ARHGEF11: variants seen among roughly 807,000 people sequenced by gnomAD.
ARHGEF11 encodes Rho guanine nucleotide exchange factor 11.
Under a neutral mutation model 193.7 loss-of-function variants are expected in ARHGEF11, and 55 were observed. The ratio of observed to expected loss-of-function variants is 0.28; its 90% CI spans 0.23 to 0.36. The LOEUF (loss-of-function observed/expected upper bound fraction) is 0.36. Among genes scored for constraint, ARHGEF11 ranks in the 10% least tolerant of loss-of-function variants. The pLI, the probability that ARHGEF11 is intolerant of heterozygous loss-of-function variation, is 1.00. For synonymous variants in ARHGEF11, 693 were observed against 768.0 expected, an observed-to-expected ratio of 0.90 and a Z score of 1.62; for missense variants, 1,723 against 2,005.6, an observed-to-expected ratio of 0.86 and a Z score of 2.69.
intron 35 of ARHGEF11, 49 bp from the exon 36 acceptor site, chr1:156,940,474 G>C: frequency 6.5e-7 from 1 of 1,529,848 alleles, no homozygotes; most frequent in Middle Eastern, 1.7e-4. Flanking sequence ...GAGAGGGCAC[G>C]TATGGGAGAG....
At chr1:156,943,146 C>T (rs1351040018) in intron 32 of ARHGEF11, among the ~76,000 whole-genome samples, 6 of 150,532 alleles carry the variant, frequency 4.0e-5, no homozygotes, top group Non-Finnish European at 5.9e-5. Flanking sequence ...CTGCAACCTG[C>T]GCCTCCCGGG....
chr1:157,005,298 C>T (rs1305488188), intron 1 of ARHGEF11, among the ~76,000 whole-genome samples: 1 of 152,132 alleles, frequency 6.6e-6, no homozygotes, highest in Non-Finnish European at 1.5e-5. Context: ...CTGCATCCCC[C>T]CAACCCCCAT....
intron 32 of ARHGEF11, among the ~76,000 whole-genome samples, chr1:156,943,411 G>A (rs1484379725): frequency 6.6e-6 from 1 of 152,196 alleles, no homozygotes; most frequent in Non-Finnish European, 1.5e-5. Flanking sequence ...ATGCCCACAA[G>A]AGGTAGGGTA....
At chr1:157,000,706 G>A (rs1233497369) in intron 1 of ARHGEF11, among the ~76,000 whole-genome samples, 1 of 152,194 alleles carries the variant, frequency 6.6e-6, no homozygotes, top group African/African-American at 2.4e-5. Flanking sequence ...GGTAACTTGT[G>A]GAAGTAATGG....
Position 157,044,824 on chromosome 1 carries a change from C to T in ARHGEF11, c.-494G>A. 1 of 284,872 alleles carries T rather than the reference C, an allele frequency of 3.5e-6. No homozygotes were observed. Among genetic ancestry groups the T allele is most frequent in the Non-Finnish European group, 6.4e-6 (1 of 156,168 alleles). The allele number at this position is 284,872 out of a possible 1,614,324, so 17.6% of individuals were successfully genotyped here. ...GAAAGTAATTTTCTAGTCTCCAATG[C>T]TTAATATGACAACAGCAAATATCTT... On this transcript the variant is annotated 5_prime_UTR_variant, in exon 1 of 41. Transcript: ENST00000368194.
Position 156,936,050 on chromosome 1 carries a change from C to A in ARHGEF11, c.4639G>T (p.Ala1547Ser), listed in dbSNP as rs752313950. ...TCTGCTGTGCTGTCTTCCAGGGGGG[C>A]GTCAGAGCCTGTGGGAGGAGGATGA... ...LGPCPEDGSD[A>S]PLEDSTADAA... The change falls in exon 41 of 41, where the codon GCC becomes TCC. Residue 1547 changes from alanine to serine, a missense_variant. Ala to Ser is a moderately conservative substitution (Grantham distance 99). Transcript: ENST00000368194. The A allele has an allele frequency of 6.2e-7, 1 of 1,613,742 alleles. No homozygotes were observed. The highest frequency in any genetic ancestry group is 8.5e-7 in the Non-Finnish European group (1 of 1,179,872).
At chr1:156,947,747 G>T in intron 25 of ARHGEF11, 22 bp downstream of exon 25, 1 of 1,610,670 alleles carries the variant, frequency 6.2e-7, no homozygotes, top group Non-Finnish European at 8.5e-7. Context: ...GCGGAGCTGG[G>T]GGCAGTGGAG....
rs775619740 is a variant in ARHGEF11 at position 156,963,213 on chromosome 1, G to T, written c.1130C>A (p.Pro377His). The change falls in exon 13 of 41, where the codon CCC becomes CAC. Residue 377 changes from proline to histidine, a missense_variant. Pro to His is a moderately conservative substitution (Grantham distance 77). Transcript: ENST00000368194. ...ATGATTCTGACTTACCAGTGGACTG[G>T]GGTCCGCCTGAGAGAAGATGTAACG... ...FLRYIFSQAD[P>H]SPLLFYLCAE... The T allele has an allele frequency of 1.2e-6, 2 of 1,613,364 alleles. No homozygotes were observed. The highest frequency in any genetic ancestry group is 1.7e-6 in the Non-Finnish European group (2 of 1,179,450).
At chr1:156,949,473 G>T (rs192589204) in intron 22 of ARHGEF11, among the ~76,000 whole-genome samples, 15 of 152,166 alleles carry the variant, frequency 9.9e-5, no homozygotes, top group Non-Finnish European at 1.9e-4. Flanking sequence ...AGCACAGCAG[G>T]TTGCTGCAAT....
intron 7 of ARHGEF11, among the ~76,000 whole-genome samples, chr1:156,975,296 T>C (rs1262872153): frequency 1.3e-5 from 2 of 152,266 alleles, no homozygotes; most frequent in African/African-American, 4.8e-5. Context: ...AGCATCTTCC[T>C]GTGAATAACA....
chr1:156,971,929 G>C (rs1012235885), intron 7 of ARHGEF11, 113 bp from the exon 8 acceptor site: 1 of 1,323,666 alleles, frequency 7.6e-7, no homozygotes, highest in African/African-American at 1.5e-5. Context: ...ACAAAGATGA[G>C]AGAGAAGAGG....
intron 18 of ARHGEF11, among the ~76,000 whole-genome samples, chr1:156,957,346 A>T (rs1660095205): frequency 6.6e-6 from 1 of 152,230 alleles, no homozygotes; most frequent in Admixed American, 6.5e-5. Flanking sequence ...TGCAAAAAAA[A>T]AAATTCTAAC....
chr1:156,954,380 C>CAAAAAAAAA lies in ARHGEF11; in HGVS notation c.1798+503_1798+511dup, dbSNP rs559848711. Among the ~76,000 whole-genome samples, 25 of 75,160 alleles carry CAAAAAAAAA rather than the reference C, an allele frequency of 3.3e-4. 4 individuals are homozygous for CAAAAAAAAA. Among genetic ancestry groups the CAAAAAAAAA allele is most frequent in the Admixed American group, 4.9e-4 (3 of 6,120 alleles). The allele number at this position is 75,160 out of a possible 152,430, so 49.3% of individuals were successfully genotyped here. A position where few individuals can be genotyped will look rare whatever the true frequency, so the allele number is the denominator to read the frequency against. On this transcript the variant is annotated intron_variant, in intron 21 of 40. Transcript: ENST00000368194. ...GGGCCACAGAGTGAAACTGTGTCTC[C>CAAAAAAAAA]AAAAAAAAAAAAAAAAAAAAAAAAA... is the stretch of plus-strand genomic sequence containing the variant.
At chr1:156,959,924 ACCCCCCCTCC>A (rs1365859299) in intron 15 of ARHGEF11, among the ~76,000 whole-genome samples, 1 of 77,120 alleles carries the variant, frequency 1.3e-5, no homozygotes, top group Admixed American at 1.4e-4. Flanking sequence ...AACAAAAATA[ACCCCCCCTCC>A]CCCCCCCCCA....
At chr1:157,003,371 T>A (rs1667429018) in intron 1 of ARHGEF11, among the ~76,000 whole-genome samples, 1 of 152,162 alleles carries the variant, frequency 6.6e-6, no homozygotes, top group Non-Finnish European at 1.5e-5. Context: ...AAACCTCAGA[T>A]CACAAATTCA....
intron 1 of ARHGEF11, among the ~76,000 whole-genome samples, chr1:157,008,375 TAAGAA>T (rs1668123424): frequency 6.8e-6 from 1 of 146,892 alleles, no homozygotes; most frequent in Admixed American, 6.9e-5. Context: ...GGTGTCCTTC[TAAGAA>T]GAGACATCAG....
intron 1 of ARHGEF11, among the ~76,000 whole-genome samples, chr1:157,015,687 A>C (rs1451661244): frequency 6.6e-6 from 1 of 152,220 alleles, no homozygotes; most frequent in Non-Finnish European, 1.5e-5. Flanking sequence ...CAATATCCTG[A>C]AGGGCCTTAC....
intron 3 of ARHGEF11, among the ~76,000 whole-genome samples, chr1:156,981,277 A>C (rs1664140060): frequency 6.6e-6 from 1 of 151,982 alleles, no homozygotes; most frequent in Admixed American, 6.5e-5. Flanking sequence ...TCCTGGGCTC[A>C]AGTGATCCTC....
At chr1:157,005,232 C>T (rs1557939284) in intron 1 of ARHGEF11, among the ~76,000 whole-genome samples, 1 of 152,130 alleles carries the variant, frequency 6.6e-6, no homozygotes, top group Non-Finnish European at 1.5e-5. Context: ...CTGCCTTATA[C>T]CCACCATTAA....
Sources: gnomAD v4.1 joint callset for allele counts (sites outside exome capture counted in the v4.1 genomes callset) on GRCh38, gnomAD v4.1.1 for gene constraint, MANE v1.5 for transcripts, NCBI Gene and HGNC (gene_info 2026-07-23, HGNC 2026-07-21) for gene names.